GNB4: variants seen among roughly 807,000 people sequenced by gnomAD.
GNB4 encodes G protein subunit beta 4, also known as guanine nucleotide-binding protein subunit beta-4.
GNB4 carries 28 observed loss-of-function variants against 45.2 expected under a neutral mutation model. The observed-to-expected ratio is 0.62, with a 90% CI of 0.46 to 0.85. The LOEUF (loss-of-function observed/expected upper bound fraction) is 0.85, where lower values mean the gene tolerates loss of function less well. Ranked by LOEUF, GNB4 falls within the 40% of genes least tolerant of loss-of-function variation. The pLI, the probability that GNB4 is intolerant of heterozygous loss-of-function variation, is 0.00. For synonymous variants in GNB4, 132 were observed against 143.7 expected (o/e 0.92, Z 0.58); for missense variants, 321 against 425.4 (o/e 0.75, Z 2.16).
intron 1 of GNB4, among the ~76,000 whole-genome samples, chr3:179,438,936 T>C (rs1214294769): frequency 6.6e-6 from 1 of 152,204 alleles, no homozygotes; most frequent in South Asian, 2.1e-4. Context: ...CCTAAGGCCT[T>C]GACTCTTCAA....
At chr3:179,472,532 T>C in the GNB4 span, among the ~76,000 whole-genome samples, 1 of 152,080 alleles carries the variant, frequency 6.6e-6, no homozygotes, top group Non-Finnish European at 1.5e-5. Flanking sequence ...TCACTATACC[T>C]GGCAAGTTTT....
chr3:179,490,123 C>T, the GNB4 span, among the ~76,000 whole-genome samples: 75 of 152,244 alleles, frequency 4.9e-4, no homozygotes, highest in Middle Eastern at 3.4e-3. Flanking sequence ...AGACAGAATG[C>T]GTGGAACAGC....
chr3:179,412,054 C>G (rs562312334), intron 8 of GNB4, among the ~76,000 whole-genome samples: 14 of 152,192 alleles, frequency 9.2e-5, no homozygotes, highest in African/African-American at 2.9e-4. Context: ...TTCACTTTAC[C>G]CTAATTTACA....
At chr3:179,434,317 A>G (rs547953136) in intron 1 of GNB4, among the ~76,000 whole-genome samples, 1 of 152,328 alleles carries the variant, frequency 6.6e-6, no homozygotes, top group East Asian at 1.9e-4. Context: ...TAAATCTTTA[A>G]AATAATATTG....
the GNB4 span, among the ~76,000 whole-genome samples, chr3:179,472,818 A>G: frequency 6.6e-6 from 1 of 152,196 alleles, no homozygotes; most frequent in Non-Finnish European, 1.5e-5. Flanking sequence ...TTTCCTACTC[A>G]CTGCCACTGA....
rs752116156 is a variant in GNB4 at position 179,416,562 on chromosome 3, G to C, written c.204-6C>G. 3.8e-6 allele frequency: 6 copies of C among 1,578,768 alleles called. No homozygotes were observed. The highest frequency in any genetic ancestry group is 5.2e-6 in the Non-Finnish European group (6 of 1,160,294). ...GAGAAGCACTGACTAGCAGCCTAGAGGAACAAACACAAAAATAATTTGACA... is the reference window on the plus strand; with the variant it reads ...GAGAAGCACTGACTAGCAGCCTAGACGAACAAACACAAAAATAATTTGACA... On this transcript the variant is annotated splice_region_variant and splice_polypyrimidine_tract_variant and intron_variant, in intron 4 of 9. Transcript: ENST00000232564.
the GNB4 span, among the ~76,000 whole-genome samples, chr3:179,519,618 A>G: frequency 6.6e-6 from 1 of 152,116 alleles, no homozygotes; most frequent in Non-Finnish European, 1.5e-5. Context: ...CTCCCTTATT[A>G]GGCCGAGACA....
chr3:179,421,357 C>T (rs192026183), intron 2 of GNB4, among the ~76,000 whole-genome samples: 18 of 151,866 alleles, frequency 1.2e-4, no homozygotes, highest in East Asian at 1.9e-4. Context: ...AAAAGGAAGA[C>T]GGTGAAGCAG....
intron 1 of GNB4, among the ~76,000 whole-genome samples, chr3:179,434,630 A>G (rs1254280336): frequency 6.6e-6 from 1 of 151,974 alleles, no homozygotes; most frequent in Non-Finnish European, 1.5e-5. Context: ...CTGAGGCATG[A>G]GAATTGCTTG....
At chr3:179,486,314 A>T in the GNB4 span, among the ~76,000 whole-genome samples, 1 of 152,084 alleles carries the variant, frequency 6.6e-6, no homozygotes, top group African/African-American at 2.4e-5. Context: ...TTCTGTTAAA[A>T]TTTTAAAAAT....
upstream of GNB4, among the ~76,000 whole-genome samples, chr3:179,451,775 C>A (rs181079812): frequency 1.8e-4 from 28 of 152,322 alleles, no homozygotes; most frequent in Admixed American, 1.0e-3. Flanking sequence ...TAGCGCCCGT[C>A]TAAGTGGCGT....
At chr3:179,506,623 C>T in the GNB4 span, among the ~76,000 whole-genome samples, 1 of 152,176 alleles carries the variant, frequency 6.6e-6, no homozygotes, top group East Asian at 1.9e-4. Context: ...ACTTAGTTCA[C>T]TAGCCCCTGA....
the GNB4 span, among the ~76,000 whole-genome samples, chr3:179,468,706 C>A: frequency 6.6e-6 from 1 of 152,070 alleles, no homozygotes; most frequent in African/African-American, 2.4e-5. Context: ...TATAGCAGGC[C>A]CTGAAAGATC....
chr3:179,423,439 G>A (rs917561993), intron 2 of GNB4, among the ~76,000 whole-genome samples: 4 of 152,208 alleles, frequency 2.6e-5, no homozygotes, highest in Non-Finnish European at 4.4e-5. Context: ...AACATATAAA[G>A]TGGGGTACTG....
intron 2 of GNB4, among the ~76,000 whole-genome samples, chr3:179,423,737 C>T (rs1040301785): frequency 6.6e-6 from 1 of 151,384 alleles, no homozygotes; most frequent in Non-Finnish European, 1.5e-5. Context: ...GAAGAGATCG[C>T]ACCACTGCAC....
At position 179,399,820 on chromosome 3, in the gene GNB4, C is replaced by G. The variant is rs908842037; in HGVS notation, c.*1393G>C. The G allele has an allele frequency of 2.6e-5, 4 of 152,172 alleles. No homozygotes were observed. Among genetic ancestry groups the G allele is most frequent in the African/African-American group, 9.7e-5 (4 of 41,432 alleles). 9.4% of individuals were successfully genotyped at this position (152,172 alleles called of 1,614,324 possible). A position where few individuals can be genotyped will look rare whatever the true frequency, so the allele number is the denominator to read the frequency against. On this transcript the variant is annotated 3_prime_UTR_variant, in exon 10 of 10. Coordinates refer to ENST00000232564, the MANE Select transcript of GNB4 (RefSeq NM_021629.4). Reference sequence around the variant, plus strand: ...GTCTATATATCAGAATAATCCAAGACTTTACCATCAAGCAAGACTAACAAT... The same window carrying G: ...GTCTATATATCAGAATAATCCAAGAGTTTACCATCAAGCAAGACTAACAAT...
rs191008766 is a variant in GNB4 at position 179,405,421 on chromosome 3, A to G, written c.700-15T>C. On this transcript the variant is annotated splice_polypyrimidine_tract_variant and intron_variant, in intron 8 of 9. Coordinates refer to ENST00000232564, the MANE Select transcript of GNB4 (RefSeq NM_021629.4). Reference sequence around the variant, plus strand: ...TTTGGGAAAAACTAGACAGGAAAGTAACAAACATTTATTCTACAGATGTAT... The same window carrying G: ...TTTGGGAAAAACTAGACAGGAAAGTGACAAACATTTATTCTACAGATGTAT... 5.8e-6 allele frequency: 9 copies of G among 1,558,680 alleles called. No homozygotes were observed. The East Asian group carries it at 2.0e-4, about 35-fold the overall frequency.
chr3:179,487,382 T>C, the GNB4 span, among the ~76,000 whole-genome samples: 1 of 152,126 alleles, frequency 6.6e-6, no homozygotes, highest in South Asian at 2.1e-4. Context: ...TGGTGAGAAC[T>C]AAAAATAAAA....
At chr3:179,526,831 T>A in the GNB4 span, among the ~76,000 whole-genome samples, 1 of 152,196 alleles carries the variant, frequency 6.6e-6, no homozygotes, top group Non-Finnish European at 1.5e-5. Flanking sequence ...ATTACACACC[T>A]AGGAGATCCT....
Sources: allele counts gnomAD v4.1 joint callset (sites outside exome capture counted in the v4.1 genomes callset), GRCh38; gene constraint gnomAD v4.1.1; transcripts MANE v1.5; gene names NCBI Gene and HGNC (gene_info 2026-07-23, HGNC 2026-07-21).